The following NEGR1 variants were observed in gnomAD, a reference collection of about 807,000 sequenced individuals.
The protein encoded by NEGR1 is neuronal growth regulator 1, also known as IgLON family member 4.
NEGR1 carries 10 observed loss-of-function variants against 40.9 expected under a neutral mutation model. The observed-to-expected ratio is 0.24, with a 90% CI of 0.15 to 0.42. NEGR1 has a LOEUF of 0.42. Ranked by LOEUF, NEGR1 falls within the 10% of genes least tolerant of loss-of-function variation. The pLI, the probability that NEGR1 is intolerant of heterozygous loss-of-function variation, is 1.00. For synonymous variants in NEGR1, 185 were observed against 166.8 expected, an observed-to-expected ratio of 1.11 and a Z score of -0.84; for missense variants, 352 against 438.9, an observed-to-expected ratio of 0.80 and a Z score of 1.77.
intron 2 of NEGR1, among the ~76,000 whole-genome samples, chr1:71,829,710 TACA>T (rs1451457120): frequency 3.3e-5 from 5 of 151,728 alleles, no homozygotes; most frequent in Admixed American, 1.3e-4. Flanking sequence ...CAAAATATAA[TACA>T]ACAACACAAT....
At chr1:71,610,179 G>A (rs1650208275) in intron 5 of NEGR1, among the ~76,000 whole-genome samples, 1 of 152,204 alleles carries the variant, frequency 6.6e-6, no homozygotes, top group African/African-American at 2.4e-5. Context: ...CTACATATAT[G>A]TTGTACAGTA....
chr1:71,938,709 A>T (rs1645932860), intron 1 of NEGR1, among the ~76,000 whole-genome samples: 1 of 152,086 alleles, frequency 6.6e-6, no homozygotes, highest in South Asian at 2.1e-4. Flanking sequence ...GTGTCTACAA[A>T]TATAAATTTG....
chr1:71,898,661 G>GTTT (rs71074811), intron 2 of NEGR1, among the ~76,000 whole-genome samples: 1 of 130,386 alleles, frequency 7.7e-6, no homozygotes, highest in East Asian at 2.0e-4. Flanking sequence ...AAACTGCTTT[G>GTTT]TTTTTTTTTC....
intron 1 of NEGR1, among the ~76,000 whole-genome samples, chr1:72,034,286 T>C (rs1411279226): frequency 6.6e-6 from 1 of 152,204 alleles, no homozygotes; most frequent in Non-Finnish European, 1.5e-5. Context: ...TCTTTAGCCC[T>C]TGGAAAACAC....
intron 5 of NEGR1, among the ~76,000 whole-genome samples, chr1:71,607,710 G>A (rs954816931): frequency 1.3e-5 from 2 of 151,832 alleles, no homozygotes; most frequent in African/African-American, 4.8e-5. Flanking sequence ...TTTTTATTTT[G>A]TTGAGAGAGA....
At chr1:71,558,722 CTTTT>C (rs34141206) in intron 6 of NEGR1, among the ~76,000 whole-genome samples, 1 of 134,312 alleles carries the variant, frequency 7.4e-6, no homozygotes. Context: ...TCTTTTCTTT[CTTTT>C]TTTTTTTTTT....
chr1:71,534,785 A>G (rs929365472), intron 6 of NEGR1, among the ~76,000 whole-genome samples: 1 of 151,658 alleles, frequency 6.6e-6, no homozygotes, highest in Admixed American at 6.6e-5. Flanking sequence ...AGGAGCTAAT[A>G]AAACAGTTAG....
intron 1 of NEGR1, among the ~76,000 whole-genome samples, chr1:72,221,816 G>A (rs1216364181): frequency 1.3e-5 from 2 of 152,152 alleles, no homozygotes; most frequent in African/African-American, 4.8e-5. Flanking sequence ...AGTCTGTGGT[G>A]TTTTTAAATC....
intron 1 of NEGR1, among the ~76,000 whole-genome samples, chr1:72,008,335 A>T (rs1646627208): frequency 6.6e-6 from 1 of 152,166 alleles, no homozygotes. Flanking sequence ...ATCATTAAAA[A>T]GAAAGGTTTT....
intron 2 of NEGR1, among the ~76,000 whole-genome samples, chr1:71,934,441 A>T (rs919184864): frequency 6.6e-6 from 1 of 152,138 alleles, no homozygotes. Context: ...TATTTTCTCA[A>T]TTACTCTATA....
At chr1:71,898,938 A>T (rs903535100) in intron 2 of NEGR1, among the ~76,000 whole-genome samples, 7 of 128,368 alleles carry the variant, frequency 5.5e-5, no homozygotes, top group Middle Eastern at 4.7e-3. Context: ...AAATATATAT[A>T]ATATATTGCA....
At chr1:71,782,317 G>A (rs1656744831) in intron 2 of NEGR1, among the ~76,000 whole-genome samples, 1 of 152,112 alleles carries the variant, frequency 6.6e-6, no homozygotes, top group Non-Finnish European at 1.5e-5. Flanking sequence ...CCAGAAGTGT[G>A]AGAAATACAT....
At chr1:72,064,983 C>T (rs1285597212) in intron 1 of NEGR1, among the ~76,000 whole-genome samples, 1 of 151,994 alleles carries the variant, frequency 6.6e-6, no homozygotes, top group Non-Finnish European at 1.5e-5. Flanking sequence ...ATTATTTTCA[C>T]ATCTAACTGT....
intron 6 of NEGR1, among the ~76,000 whole-genome samples, chr1:71,588,599 T>C (rs1258294082): frequency 1.3e-5 from 2 of 152,192 alleles, no homozygotes; most frequent in African/African-American, 2.4e-5. Context: ...TAATTTAAAG[T>C]AATTCTATTG....
chr1:72,257,531 CA>C, intron 1 of NEGR1, among the ~76,000 whole-genome samples: 1 of 152,168 alleles, frequency 6.6e-6, no homozygotes, highest in Non-Finnish European at 1.5e-5. Context: ...TCCTCTGTCT[CA>C]AATGCCCCTC....
intron 4 of NEGR1, among the ~76,000 whole-genome samples, chr1:71,638,780 T>C (rs546571701): frequency 2.0e-5 from 3 of 152,020 alleles, no homozygotes; most frequent in Non-Finnish European, 4.4e-5. Flanking sequence ...TAATATACTG[T>C]GGCATCTCCC....
chr1:71,748,310 T>C (rs1227408685), intron 3 of NEGR1, among the ~76,000 whole-genome samples: 4 of 152,194 alleles, frequency 2.6e-5, no homozygotes, highest in Non-Finnish European at 5.9e-5. Context: ...TAATTAATAA[T>C]GTTAGTACAC....
At chr1:71,764,965 T>C (rs1464161467) in intron 3 of NEGR1, among the ~76,000 whole-genome samples, 1 of 151,962 alleles carries the variant, frequency 6.6e-6, no homozygotes, top group Non-Finnish European at 1.5e-5. Flanking sequence ...AAACCAGTGA[T>C]GACCAGCTCA....
At chr1:71,664,999 A>C (rs1392775010) in intron 4 of NEGR1, among the ~76,000 whole-genome samples, 3 of 152,172 alleles carry the variant, frequency 2.0e-5, no homozygotes, top group African/African-American at 7.2e-5. Flanking sequence ...CAACAATATC[A>C]GGCCAAAGTA....
Sources: gnomAD v4.1 joint callset for allele counts (sites outside exome capture counted in the v4.1 genomes callset) on GRCh38, gnomAD v4.1.1 for gene constraint, MANE v1.5 for transcripts, NCBI Gene and HGNC (gene_info 2026-07-23, HGNC 2026-07-21) for gene names.